Variants in TSR1 observed in about 807,000 individuals in gnomAD.
The protein encoded by TSR1 is TSR1 ribosome maturation factor, also known as pre-rRNA-processing protein TSR1 homolog.
Under a neutral mutation model 90.9 loss-of-function variants are expected in TSR1, and 81 were observed. The observed-to-expected ratio is 0.89, with a 90% CI of 0.74 to 1.07. TSR1 has a LOEUF of 1.07. TSR1 is among the 50% of genes least tolerant of loss of function. The pLI, the probability that TSR1 is intolerant of heterozygous loss-of-function variation, is 0.00. For synonymous variants in TSR1, 362 were observed against 348.8 expected, an observed-to-expected ratio of 1.04 and a Z score of -0.42; for missense variants, 989 against 987.3, an observed-to-expected ratio of 1.00 and a Z score of -0.02.
chr17:2,331,907 T>C (rs1567784105), intron 8 of TSR1, among the ~76,000 whole-genome samples: 1 of 152,196 alleles, frequency 6.6e-6, no homozygotes, highest in Non-Finnish European at 1.5e-5. Flanking sequence ...ACTGGCTCCT[T>C]TGGGAAGAAG....
rs1319957419 is a variant in TSR1 at position 2,331,031 on chromosome 17, A to G, written c.1575T>C (p.Ala525=). The change falls in exon 9 of 15, where the codon GCT becomes GCC. Residue 525 remains alanine, a synonymous_variant. Coordinates refer to ENST00000301364, the MANE Select transcript of TSR1 (RefSeq NM_018128.5). ...DPKENLPQDY[A]RIFQFQNFTN... ...TAAAGTTCTGAAACTGAAATATTCG[A>G]GCATAATCTTGAGGAAGGTTTTCCT... 1.2e-6 allele frequency: 2 copies of G among 1,612,670 alleles called. No homozygotes were observed. The highest frequency in any genetic ancestry group is 8.5e-7 in the Non-Finnish European group (1 of 1,179,672).
chr17:2,335,979 G>C lies in TSR1; in HGVS notation c.201+58C>G. On this transcript the variant is annotated intron_variant, in intron 2 of 14. Coordinates refer to ENST00000301364, the MANE Select transcript of TSR1 (RefSeq NM_018128.5). ...TCCCGGTCTCATTTTCCACTTCGAG[G>C]CATTAGCCACCTAGAACACCAGAGA... 10 of 1,555,882 alleles carry C rather than the reference G, an allele frequency of 6.4e-6. No homozygotes were observed. In the South Asian group the frequency reaches 1.1e-4, roughly 17 times the overall value.
intron 12 of TSR1, 46 bp from the exon 13 acceptor site, chr17:2,324,875 A>C: frequency 3.2e-6 from 5 of 1,576,770 alleles, no homozygotes; most frequent in South Asian, 1.2e-5. Context: ...TACAGGCCAA[A>C]GTCTTCATTT....
rs750993264 is a variant in TSR1 at position 2,336,394 on chromosome 17, G to C, written c.34C>G (p.Gln12Glu). 6.2e-7 allele frequency: 1 copy of C among 1,612,898 alleles called. No individual in the cohort carries two copies. The highest frequency in any genetic ancestry group is 1.7e-5 in the Admixed American group (1 of 60,032). The change falls in exon 1 of 15, where the codon CAG becomes GAG. Residue 12 changes from glutamine to glutamate, a missense_variant. Physicochemically the swap from Gln to Glu is conservative, Grantham distance 29. Coordinates refer to ENST00000301364, the MANE Select transcript of TSR1 (RefSeq NM_018128.5). ...CGTCCGCCTTTATGAGCTTTATTCT[G>C]CTGCTTGAGCGGGCCGGGGCGGTGG... ...AAHRPGPLKQ[Q>E]NKAHKGGRHR...
chr17:2,335,609 G>A lies in TSR1; in HGVS notation c.323C>T (p.Thr108Ile). 1 of 1,614,186 alleles carries A rather than the reference G, an allele frequency of 6.2e-7. No homozygotes were observed. The highest frequency in any genetic ancestry group is 1.1e-5 in the South Asian group (1 of 91,088). The change falls in exon 3 of 15, where the codon ACT becomes ATT. Residue 108 changes from threonine to isoleucine, a missense_variant. Physicochemically the swap from Thr to Ile is moderately conservative, Grantham distance 89. Coordinates refer to ENST00000301364, the MANE Select transcript of TSR1 (RefSeq NM_018128.5). ...EAMQLLQDRDTGTVHLNELGN... is the reference protein window; with the variant it reads ...EAMQLLQDRDIGTVHLNELGN... ...CAATTCATTCAAGTGTACTGTTCCA[G>A]TGTCCCTATCTTGAAGCAGCTGCAT...
chr17:2,335,909 C>T (rs1193415298), intron 2 of TSR1, 128 bp downstream of exon 2: 1 of 1,231,228 alleles, frequency 8.1e-7, no homozygotes, highest in Non-Finnish European at 1.2e-6. Context: ...TAGACCTGCA[C>T]GCTCGACACG....
At chr17:2,335,871 C>G (rs2064065010) in intron 2 of TSR1, 141 bp from the exon 3 acceptor site, 1 of 1,266,932 alleles carries the variant, frequency 7.9e-7, no homozygotes. Context: ...AGCGGGGTGG[C>G]AGGAATTCTG....
At chr17:2,330,230 T>G (rs755073597) in intron 10 of TSR1, 3 of 546,868 alleles carry the variant, frequency 5.5e-6, no homozygotes, top group African/African-American at 1.9e-5. Context: ...CAAACCTTTA[T>G]TTTTAAGGCT....
At chr17:2,326,168 A>T (rs1358857697) in intron 11 of TSR1, among the ~76,000 whole-genome samples, 6 of 152,118 alleles carry the variant, frequency 3.9e-5, no homozygotes, top group African/African-American at 1.4e-4. Flanking sequence ...CCTTTTTAAA[A>T]TACTAAACTT....
At chr17:2,324,945 CAATCTGAGGCTAAGATTGGT>C in intron 12 of TSR1, 116 bp from the exon 13 acceptor site, 1 of 1,173,626 alleles carries the variant, frequency 8.5e-7, no homozygotes, top group Non-Finnish European at 1.2e-6. Context: ...TGCCCTAGCC[CAATCTGAGGCTAAGATTGGT>C]AAACTGTAAG....
rs1231609385 is a variant in TSR1 at position 2,323,533 on chromosome 17, T to C, written c.*663A>G. The C allele has an allele frequency of 1.7e-6, 2 of 1,197,430 alleles. No individual in the cohort carries two copies. Among genetic ancestry groups the C allele is most frequent in the Admixed American group, 4.5e-5 (2 of 44,716 alleles). The allele number at this position is 1,197,430 out of a possible 1,614,324, so 74.2% of individuals were successfully genotyped here. On this transcript the variant is annotated 3_prime_UTR_variant, in exon 15 of 15. Coordinates refer to ENST00000301364, the MANE Select transcript of TSR1 (RefSeq NM_018128.5). ...CAGAGTCAGAATTAAAGAAAAGCTT[T>C]GGGAAGCGTGTGTACACAGTGATAA...
chr17:2,329,543 G>A, intron 10 of TSR1, 68 bp from the exon 11 acceptor site: 2 of 1,580,066 alleles, frequency 1.3e-6, no homozygotes, highest in Admixed American at 1.7e-5. Context: ...ACTGAAAGAA[G>A]GCAAACCAAA....
In TSR1 at chr17:2,322,507, C is replaced by CT. The variant is rs1041200207; in HGVS notation, c.*1688dup. The CT allele has an allele frequency of 2.1e-3, 308 of 146,538 alleles. No individual in the cohort carries two copies. Among genetic ancestry groups the CT allele is most frequent in the Non-Finnish European group, 3.3e-3 (219 of 66,124 alleles). The allele number at this position is 146,538 out of a possible 1,614,324, so 9.1% of individuals were successfully genotyped here. On this transcript the variant is annotated 3_prime_UTR_variant, in exon 15 of 15. Transcript: ENST00000301364. ...ATGTATTACTTATTGTGCCTATTTTCTTTTTTTTTTTGAGACGGAGTCTCA... is the reference window on the plus strand; with the variant it reads ...ATGTATTACTTATTGTGCCTATTTTCTTTTTTTTTTTTGAGACGGAGTCTCA...
At position 2,335,407 on chromosome 17, in the gene TSR1, G is replaced by T. The variant is rs777821263; in HGVS notation, c.422-13C>A. 1 of 1,597,764 alleles carries T rather than the reference G, an allele frequency of 6.3e-7. No individual in the cohort carries two copies. Among genetic ancestry groups the T allele is most frequent in the African/African-American group, 1.4e-5 (1 of 71,232 alleles). On this transcript the variant is annotated splice_polypyrimidine_tract_variant and intron_variant, in intron 3 of 14. Transcript: ENST00000301364. Reference sequence around the variant, plus strand: ...ACGTGCAGATCCCCTGCAGATAGAAGACACAGTAAGAAGAGGTGGTTGGCA... The same window carrying T: ...ACGTGCAGATCCCCTGCAGATAGAATACACAGTAAGAAGAGGTGGTTGGCA...
intron 1 of TSR1, 56 bp downstream of exon 1, chr17:2,336,275 G>A (rs902284825): frequency 6.2e-6 from 10 of 1,610,758 alleles, no homozygotes; most frequent in African/African-American, 1.3e-5. Flanking sequence ...TGGGCATGAG[G>A]AAAAAGAGTT....
chr17:2,327,106 C>A (rs1176701999), intron 11 of TSR1, among the ~76,000 whole-genome samples: 2 of 149,406 alleles, frequency 1.3e-5, no homozygotes, highest in African/African-American at 4.9e-5. Context: ...ACTCCATCTC[C>A]CAAAAAAAAA....
intron 8 of TSR1, 65 bp from the exon 9 acceptor site, chr17:2,331,174 C>A: frequency 7.4e-7 from 1 of 1,344,848 alleles, no homozygotes; most frequent in South Asian, 1.8e-5. Context: ...AGACTCAAGT[C>A]ACTGCTAAAA....
Position 2,325,356 on chromosome 17 carries a change from C to G in TSR1, c.1968G>C (p.Ala656=). 1.9e-6 allele frequency: 3 copies of G among 1,613,506 alleles called. No individual in the cohort carries two copies. Among genetic ancestry groups the G allele is most frequent in the Non-Finnish European group, 2.5e-6 (3 of 1,179,902 alleles). ...ADMALVATVY[A]PITFPPASVL... is the part of the protein sequence containing the mutation. The stretch of plus-strand genomic sequence containing the variant: ...CAGATGCAGGAGGAAAAGTGATTGG[C>G]GCATAGACTGTCGCCACCAGGGCCA... Residue 656 remains alanine, a synonymous_variant, in exon 12 of 15, where the codon GCG becomes GCC. Transcript: ENST00000301364.
intron 11 of TSR1, among the ~76,000 whole-genome samples, chr17:2,326,146 T>A (rs2075574927): frequency 6.6e-6 from 1 of 152,158 alleles, no homozygotes; most frequent in Admixed American, 6.5e-5. Flanking sequence ...ACCTTCAAGG[T>A]AGCCCTCACC....
Sources: gnomAD v4.1 joint callset for allele counts (sites outside exome capture counted in the v4.1 genomes callset) on GRCh38, gnomAD v4.1.1 for gene constraint, MANE v1.5 for transcripts, NCBI Gene and HGNC (gene_info 2026-07-23, HGNC 2026-07-21) for gene names.